The following CCNDBP1 variants were observed in gnomAD, a reference collection of about 807,000 sequenced individuals.
CCNDBP1 encodes the protein cyclin-D1-binding protein 1.
CCNDBP1 carries 45 observed loss-of-function variants against 46.2 expected under a neutral mutation model. The observed-to-expected ratio is 0.97, with a 90% CI of 0.77 to 1.25. CCNDBP1 has a LOEUF of 1.25. Among genes scored for constraint, CCNDBP1 ranks in the 50% most tolerant of loss-of-function variants. The pLI, the probability that CCNDBP1 is intolerant of heterozygous loss-of-function variation, is 0.00. For missense variants in CCNDBP1, 436 were observed against 442.1 expected, an observed-to-expected ratio of 0.99 and a Z score of 0.12; for synonymous variants, 154 against 163.6, an observed-to-expected ratio of 0.94 and a Z score of 0.45.
chr15:43,191,622 T>A lies in CCNDBP1; in HGVS notation c.807T>A (p.Asp269Glu), dbSNP rs1216059140. Reference protein sequence around the residue: ...RMLVAENGKKDQVAQLDDIVD... With the variant: ...RMLVAENGKKEQVAQLDDIVD... ...TAGTGGCAGAGAATGGGAAGAAGGA[T>A]CAGGTGGCACAGCTGGATGACATTG... Residue 269 changes from aspartate to glutamate, a missense_variant, in exon 8 of 11, where the codon GAT (aspartate) becomes GAA (glutamate). Transcript: ENST00000300213. The A allele has an allele frequency of 2.5e-6, 4 of 1,612,568 alleles. No homozygotes were observed. The highest frequency in any genetic ancestry group is 3.4e-6 in the Non-Finnish European group (4 of 1,179,998).
chr15:43,193,158 C>A, intron 9 of CCNDBP1: 1 of 218,238 alleles, frequency 4.6e-6, no homozygotes, highest in Non-Finnish European at 9.2e-6. Flanking sequence ...GCCAACATGG[C>A]GAAACCTTGT....
intron 8 of CCNDBP1, among the ~76,000 whole-genome samples, chr15:43,191,883 A>G (rs2041958631): frequency 6.6e-6 from 1 of 152,188 alleles, no homozygotes; most frequent in Non-Finnish European, 1.5e-5. Context: ...TTTATTTCTC[A>G]AGAGATACTG....
intron 1 of CCNDBP1, 33 bp from the exon 2 acceptor site, chr15:43,185,787 C>T (rs1596385875): frequency 6.2e-7 from 1 of 1,605,298 alleles, no homozygotes. Flanking sequence ...TTCCATTCGC[C>T]ACCGTTCGGC....
rs775925682 is a variant in CCNDBP1, at chr15:43,185,450, G to C, written c.-49G>C. 10 of 1,415,334 alleles carry C rather than the reference G, an allele frequency of 7.1e-6. No individual in the cohort carries two copies. Among genetic ancestry groups the C allele is most frequent in the South Asian group, 6.1e-5 (5 of 81,790 alleles). The allele number at this position is 1,415,334 out of a possible 1,614,324, so 87.7% of individuals were successfully genotyped here. A position where few individuals can be genotyped will look rare whatever the true frequency, so the allele number is the denominator to read the frequency against. ...GGAGCGGCTGTCGCAGTGCGGCTCC[G>C]GCAGTGGCAGCGGAGGCCTGTGTTT... On this transcript the variant is annotated 5_prime_UTR_variant, in exon 1 of 11. Transcript: ENST00000300213.
chr15:43,194,900 C>A lies in CCNDBP1; in HGVS notation c.*59C>A. The A allele has an allele frequency of 9.4e-7, 1 of 1,069,448 alleles. No homozygotes were observed. The highest frequency in any genetic ancestry group is 1.4e-6 in the Non-Finnish European group (1 of 695,958). The allele number at this position is 1,069,448 out of a possible 1,614,324, so 66.2% of individuals were successfully genotyped here. A position where few individuals can be genotyped will look rare whatever the true frequency, so the allele number is the denominator to read the frequency against. ...CATCGTCATGGTCAGGCTCTGATAC[C>A]TGCTTTTAAAATGGAGCTAGAATGC... On this transcript the variant is annotated 3_prime_UTR_variant, in exon 11 of 11. Coordinates refer to ENST00000300213, the MANE Select transcript of CCNDBP1 (RefSeq NM_012142.5).
chr15:43,190,230 T>C, intron 5 of CCNDBP1, 79 bp downstream of exon 5: 2 of 1,587,026 alleles, frequency 1.3e-6, no homozygotes, highest in Admixed American at 1.7e-5. Flanking sequence ...AACAGCAAAG[T>C]TACTGACAGC....
chr15:43,190,551 ACT>A (rs746141244), intron 6 of CCNDBP1, among the ~76,000 whole-genome samples, 153 bp downstream of exon 6: 16 of 152,182 alleles, frequency 1.1e-4, no homozygotes, highest in Non-Finnish European at 1.6e-4. Context: ...AGGTATTAAT[ACT>A]TTTTGTCATT....
rs964505425 is a variant in CCNDBP1, at chr15:43,191,282, G to C, written c.580-113G>C. The C allele has an allele frequency of 3.6e-6, 4 of 1,123,886 alleles. No individual in the cohort carries two copies. In the African/African-American group the frequency reaches 6.3e-5, roughly 18 times the overall value. The allele number at this position is 1,123,886 out of a possible 1,614,324, so 69.6% of individuals were successfully genotyped here. On this transcript the variant is annotated intron_variant, in intron 7 of 10. Transcript: ENST00000300213. ...TCAACTCTGTAGCCCTTAGTGAAGT[G>C]GCTGGCTAAGATTTTTGGACAACTA...
In CCNDBP1 at chr15:43,185,839, C is replaced by G; in HGVS notation, c.129C>G (p.Thr43=). Residue 43 remains threonine, a synonymous_variant, in exon 2 of 11, where the codon ACC becomes ACG. Coordinates refer to ENST00000300213, the MANE Select transcript of CCNDBP1 (RefSeq NM_012142.5). ...CACAAGTCGGCGAAGCCCAGGAGAC[C>G]ACCGAGGAGTTTAATCGAGAGATGT... ...PRVRVGEAQE[T]TEEFNREMFW... 2 of 1,611,536 alleles carry G rather than the reference C, an allele frequency of 1.2e-6. No homozygotes were observed. Among genetic ancestry groups the G allele is most frequent in the Non-Finnish European group, 1.7e-6 (2 of 1,179,948 alleles).
intron 2 of CCNDBP1, 98 bp downstream of exon 2, chr15:43,185,977 C>T: frequency 7.9e-7 from 1 of 1,272,510 alleles, no homozygotes. Context: ...CTGCTCTCCC[C>T]CGCTGCATCC....
At chr15:43,191,954 C>T (rs1239040163) in intron 8 of CCNDBP1, among the ~76,000 whole-genome samples, 1 of 152,126 alleles carries the variant, frequency 6.6e-6, no homozygotes, top group African/African-American at 2.4e-5. Flanking sequence ...CATTTCACCC[C>T]TAAATACTTC....
intron 3 of CCNDBP1, among the ~76,000 whole-genome samples, chr15:43,186,742 C>G (rs527381523): frequency 6.6e-6 from 1 of 152,254 alleles, no homozygotes; most frequent in South Asian, 2.1e-4. Flanking sequence ...TTAAGTTTAC[C>G]TTTCCACCCA....
chr15:43,194,601 G>A, intron 10 of CCNDBP1, 126 bp from the exon 11 acceptor site: 1 of 985,358 alleles, frequency 1.0e-6, no homozygotes, highest in Non-Finnish European at 1.5e-6. Flanking sequence ...TTGTGGGGCA[G>A]CTGAGATTCT....
intron 9 of CCNDBP1, chr15:43,193,038 C>T: frequency 1.9e-6 from 1 of 532,592 alleles, no homozygotes; most frequent in East Asian, 3.0e-5. Context: ...GGTAATCATT[C>T]AGAAAAGCCC....
rs971622103 is a variant in CCNDBP1 at position 43,190,846 on chromosome 15, A to G, written c.503-120A>G. On this transcript the variant is annotated intron_variant, in intron 6 of 10. Coordinates refer to ENST00000300213, the MANE Select transcript of CCNDBP1 (RefSeq NM_012142.5). ...AGTGAGAATTTTTTATTAAACCCGC[A>G]CCCTTGTCAACCGTCCTTGGCACTC... 6 of 746,364 alleles carry G rather than the reference A, an allele frequency of 8.0e-6. No individual in the cohort carries two copies. The Admixed American group carries it at 1.1e-4, about 14-fold the overall frequency. 46.2% of individuals were successfully genotyped at this position (746,364 alleles called of 1,614,324 possible).
rs1049237183 is a variant in CCNDBP1 at position 43,194,872 on chromosome 15, T to G, written c.*31T>G. On this transcript the variant is annotated 3_prime_UTR_variant, in exon 11 of 11. Transcript: ENST00000300213. ...CAGGCTCATTTGTACTCTCTTCCCC[T>G]CTCATCGTCATGGTCAGGCTCTGAT... 1 of 1,363,336 alleles carries G rather than the reference T, an allele frequency of 7.3e-7. No individual in the cohort carries two copies. The highest frequency in any genetic ancestry group is 1.4e-5 in the African/African-American group (1 of 69,940). 84.5% of individuals were successfully genotyped at this position (1,363,336 alleles called of 1,614,324 possible). A position where few individuals can be genotyped will look rare whatever the true frequency, so the allele number is the denominator to read the frequency against.
Position 43,191,661 on chromosome 15 carries a change from T to A in CCNDBP1, c.846T>A (p.Asp282Glu), listed in dbSNP as rs1453537034. The A allele has an allele frequency of 6.2e-7, 1 of 1,605,800 alleles. No homozygotes were observed. The highest frequency in any genetic ancestry group is 8.5e-7 in the Non-Finnish European group (1 of 1,179,932). ...AQLDDIVDIS[D>E]EISPSVDDLA... ...TGGATGACATTGTGGATATTTCTGA[T>A]GAAATCAGCCCTAGGTAAGCGGGAT... The change falls in exon 8 of 11, where the codon GAT becomes GAA. Residue 282 changes from aspartate (D) to glutamate (E), a missense_variant. Physicochemically the swap from Asp to Glu is conservative, Grantham distance 45 (BLOSUM62 2). Transcript: ENST00000300213.
rs372166066 is a variant in CCNDBP1, at chr15:43,194,882, A to T, written c.*41A>T. 3 of 1,271,738 alleles carry T rather than the reference A, an allele frequency of 2.4e-6. No homozygotes were observed. The highest frequency in any genetic ancestry group is 3.4e-6 in the Non-Finnish European group (3 of 869,988). The allele number at this position is 1,271,738 out of a possible 1,614,324, so 78.8% of individuals were successfully genotyped here. ...TGTACTCTCTTCCCCTCTCATCGTC[A>T]TGGTCAGGCTCTGATACCTGCTTTT... On this transcript the variant is annotated 3_prime_UTR_variant, in exon 11 of 11. Coordinates refer to ENST00000300213, the MANE Select transcript of CCNDBP1 (RefSeq NM_012142.5).
In CCNDBP1 at chr15:43,192,792, G is replaced by C. The variant is rs140520048; in HGVS notation, c.910G>C (p.Val304Leu). The change falls in exon 9 of 11, where the codon GTG (valine) becomes CTG (leucine). Residue 304 changes from valine (V) to leucine (L), a missense_variant. Transcript: ENST00000300213. ...SIYPPMCHLTVRINSAKLVSV... is the reference protein window; with the variant it reads ...SIYPPMCHLTLRINSAKLVSV... ...ATATCCACCTATGTGTCACCTGACC[G>C]TGCGAATCAATGTAAGTACTGGCTT... is the stretch of plus-strand genomic sequence containing the variant. 4 of 1,614,004 alleles carry C rather than the reference G, an allele frequency of 2.5e-6. No individual in the cohort carries two copies. The South Asian group carries it at 4.4e-5, about 18-fold the overall frequency.
Sources: allele counts gnomAD v4.1 joint callset (sites outside exome capture counted in the v4.1 genomes callset), GRCh38; gene constraint gnomAD v4.1.1; transcripts MANE v1.5; gene names NCBI Gene and HGNC (gene_info 2026-07-23, HGNC 2026-07-21).